Variants in EMC3 observed in about 807,000 individuals in gnomAD.
EMC3 encodes ER membrane protein complex subunit 3.
In EMC3, 13 loss-of-function variants were observed where a neutral mutation model predicts 36.6. The ratio of observed to expected loss-of-function variants is 0.35; its 90% CI spans 0.23 to 0.56. The LOEUF (loss-of-function observed/expected upper bound fraction) is 0.56. Among genes scored for constraint, EMC3 ranks in the 20% least tolerant of loss-of-function variants. The pLI is 0.84. For missense variants in EMC3, 220 were observed against 324.5 expected (o/e 0.68, Z 2.47); for synonymous variants, 120 against 111.9 (o/e 1.07, Z -0.46).
intron 1 of EMC3, chr3:10,007,579 T>A (rs765688885): frequency 5.1e-6 from 7 of 1,367,314 alleles, no homozygotes; most frequent in Non-Finnish European, 6.9e-6. Context: ...GAGGCAGGCA[T>A]CCTGGGTGTC....
At chr3:10,003,116 C>T (rs1239059890) in intron 1 of EMC3, 4 of 456,596 alleles carry the variant, frequency 8.8e-6, no homozygotes, top group Non-Finnish European at 1.8e-5. Context: ...GACCCAGAAA[C>T]CTCTGGCTCA....
chr3:9,968,328 G>A (rs1015417624), intron 7 of EMC3, among the ~76,000 whole-genome samples: 2 of 152,144 alleles, frequency 1.3e-5, no homozygotes, highest in Non-Finnish European at 2.9e-5. Context: ...CCAGTGTATA[G>A]AAATACAATT....
At chr3:9,969,236 A>C (rs1311676452) in intron 7 of EMC3, 1 of 739,600 alleles carries the variant, frequency 1.4e-6, no homozygotes, top group Non-Finnish European at 1.7e-6. Flanking sequence ...CTGGGATTAC[A>C]CGTGTGAGCC....
At chr3:10,007,574 A>C (rs200375417) in intron 1 of EMC3, 347 of 1,367,268 alleles carry the variant, frequency 2.5e-4, no homozygotes, top group Non-Finnish European at 7.4e-5. Flanking sequence ...TGGGTGAGGC[A>C]GGCATCCTGG....
chr3:9,981,132 A>T (rs2085907382), intron 1 of EMC3, among the ~76,000 whole-genome samples: 3 of 152,122 alleles, frequency 2.0e-5, no homozygotes, highest in Admixed American at 1.3e-4. Context: ...AGCCCGGGAG[A>T]TCGAGGCTGA....
chr3:9,964,347 T>C (rs1350899478), intron 7 of EMC3, 150 bp from the exon 8 acceptor site: 1 of 1,325,588 alleles, frequency 7.5e-7, no homozygotes, highest in Non-Finnish European at 9.9e-7. Flanking sequence ...GAAATGCTGC[T>C]ACCCCAATCC....
At chr3:9,984,965 A>G (rs1391010899) in intron 1 of EMC3, among the ~76,000 whole-genome samples, 2 of 152,220 alleles carry the variant, frequency 1.3e-5, no homozygotes, top group Non-Finnish European at 2.9e-5. Flanking sequence ...GAAGTTTTAA[A>G]TAAGTTAATG....
intron 3 of EMC3, 93 bp downstream of exon 3, chr3:9,976,864 T>C: frequency 1.2e-6 from 1 of 838,702 alleles, no homozygotes; most frequent in South Asian, 1.6e-5. Context: ...ATTTAACATT[T>C]AAATAAAATG....
chr3:9,982,137 A>G lies in EMC3; in HGVS notation c.155+4370T>C, dbSNP rs2085918351. Among the ~76,000 whole-genome samples the G allele has an allele frequency of 2.0e-5, 3 of 151,724 alleles. No homozygotes were observed. The South Asian group carries it at 6.2e-4, about 31-fold the overall frequency. The stretch of plus-strand genomic sequence containing the variant: ...GCTAATTTTTGTATTTTTAGTAGAG[A>G]TGGGGTTTCGCCATGCTGGCCAGCC... On this transcript the variant is annotated intron_variant, in intron 1 of 7. Coordinates refer to ENST00000245046, the MANE Select transcript of EMC3 (RefSeq NM_001394674.1).
chr3:9,992,933 A>G (rs112692026), intron 1 of EMC3: 86 of 1,557,994 alleles, frequency 5.5e-5, no homozygotes, highest in Non-Finnish European at 7.3e-5. Flanking sequence ...AGTACATTGA[A>G]AGGGTGCTAA....
chr3:9,990,182 G>A (rs1419504778), upstream of EMC3, among the ~76,000 whole-genome samples: 19 of 151,332 alleles, frequency 1.3e-4, no homozygotes, highest in Non-Finnish European at 4.4e-5. Flanking sequence ...CTGCCACCAC[G>A]CCCGGCTAAT....
At chr3:9,987,006 G>C (rs113360519), upstream of EMC3, 45 of 1,072,230 alleles carry the variant, frequency 4.2e-5, no homozygotes, top group East Asian at 1.1e-3. Flanking sequence ...ACGAGGTCAG[G>C]GGATCGAGAC....
Position 9,963,788 on chromosome 3 carries a change from A to G in EMC3, c.*281T>C, listed in dbSNP as rs748559459. The G allele has an allele frequency of 5.7e-5, 17 of 298,614 alleles. No homozygotes were observed. Among genetic ancestry groups the G allele is most frequent in the Non-Finnish European group, 9.8e-5 (16 of 163,024 alleles). The allele number at this position is 298,614 out of a possible 1,614,324, so 18.5% of individuals were successfully genotyped here. A position where few individuals can be genotyped will look rare whatever the true frequency, so the allele number is the denominator to read the frequency against. ...ACTGCGCCTGGCCAAGATTTTATAT[A>G]TTATCAGTAGCCTGAGGTTTCCCCC... is the stretch of plus-strand genomic sequence containing the variant. On this transcript the variant is annotated 3_prime_UTR_variant, in exon 8 of 8. Transcript: ENST00000245046.
chr3:9,987,551 C>T (rs2085992350), upstream of EMC3, among the ~76,000 whole-genome samples: 19 of 152,278 alleles, frequency 1.2e-4, no homozygotes, highest in South Asian at 3.9e-3. Context: ...TGGTATCGCA[C>T]GTGTTAAAGG....
intron 1 of EMC3, chr3:10,003,402 G>A (rs962113412): frequency 1.7e-5 from 6 of 361,302 alleles, no homozygotes; most frequent in African/African-American, 8.5e-5. Flanking sequence ...TTGCACGGCT[G>A]AAGACAAAAA....
upstream of EMC3, among the ~76,000 whole-genome samples, chr3:9,990,921 C>T (rs1471444553): frequency 1.3e-5 from 2 of 151,980 alleles, no homozygotes; most frequent in East Asian, 1.9e-4. Flanking sequence ...CTCCGCCTCC[C>T]GGGTTCACGC....
intron 7 of EMC3, among the ~76,000 whole-genome samples, chr3:9,966,136 CA>C (rs1460559483): frequency 3.3e-5 from 5 of 152,092 alleles, no homozygotes; most frequent in Admixed American, 1.3e-4. Context: ...AATAGGGTTC[CA>C]ATTTCTCCAC....
chr3:9,984,016 G>A (rs2085940901), intron 1 of EMC3, among the ~76,000 whole-genome samples: 2 of 151,916 alleles, frequency 1.3e-5, no homozygotes, highest in South Asian at 4.2e-4. Context: ...GCCAGAAAAT[G>A]CTAAATGTCT....
chr3:9,970,506 A>G (rs1213372094), intron 6 of EMC3, 76 bp downstream of exon 6: 7 of 1,474,958 alleles, frequency 4.7e-6, no homozygotes, highest in Non-Finnish European at 4.7e-6. Flanking sequence ...AGCACAACCT[A>G]CAAGACTTTT....
Sources: gnomAD v4.1 joint callset for allele counts (sites outside exome capture counted in the v4.1 genomes callset) on GRCh38, gnomAD v4.1.1 for gene constraint, MANE v1.5 for transcripts, NCBI Gene and HGNC (gene_info 2026-07-23, HGNC 2026-07-21) for gene names.